CTNNA2: variants seen among roughly 807,000 people sequenced by gnomAD.
The protein encoded by CTNNA2 is catenin alpha-2.
Under a neutral mutation model 101.0 loss-of-function variants are expected in CTNNA2, and 42 were observed. The ratio of observed to expected loss-of-function variants is 0.42; its 90% confidence interval spans 0.32 to 0.54. The LOEUF (loss-of-function observed/expected upper bound fraction) is 0.54, where lower values mean the gene tolerates loss of function less well. Ranked by LOEUF, CTNNA2 falls within the 20% of genes least tolerant of loss-of-function variation. The pLI, the probability that CTNNA2 is intolerant of heterozygous loss-of-function variation, is 0.14. For synonymous variants in CTNNA2, 450 were observed against 456.4 expected (o/e 0.99, Z 0.18); for missense variants, 871 against 1,223.1 (o/e 0.71, Z 4.29).
intron 4 of CTNNA2, among the ~76,000 whole-genome samples, chr2:79,487,934 A>G (rs1027531993): frequency 6.6e-6 from 1 of 152,212 alleles, no homozygotes; most frequent in Non-Finnish European, 1.5e-5. Context: ...TGAATCAGAA[A>G]GTGTACCTGG....
chr2:80,085,877 A>G (rs1699410034), intron 7 of CTNNA2, among the ~76,000 whole-genome samples: 1 of 152,034 alleles, frequency 6.6e-6, no homozygotes, highest in Admixed American at 6.6e-5. Flanking sequence ...AATCTATGTA[A>G]CGCAAAAGAC....
At chr2:79,778,064 G>C (rs938305753) in intron 3 of CTNNA2, among the ~76,000 whole-genome samples, 3 of 152,086 alleles carry the variant, frequency 2.0e-5, no homozygotes, top group African/African-American at 7.2e-5. Flanking sequence ...CTTTTCAGCT[G>C]GGTGCGGTGG....
intron 2 of CTNNA2, among the ~76,000 whole-genome samples, chr2:79,223,216 T>C (rs1457302626): frequency 6.6e-6 from 1 of 152,016 alleles, no homozygotes; most frequent in Admixed American, 6.6e-5. Flanking sequence ...TCTACTATAT[T>C]AAGTCACAAC....
intron 1 of CTNNA2, among the ~76,000 whole-genome samples, chr2:79,532,986 A>T (rs1292392212): frequency 1.3e-5 from 2 of 151,982 alleles, no homozygotes; most frequent in South Asian, 2.1e-4. Context: ...CAAGTCTGAA[A>T]TATTCCTCTC....
chr2:80,103,507 A>G (rs989547244), intron 7 of CTNNA2, among the ~76,000 whole-genome samples: 1 of 152,144 alleles, frequency 6.6e-6, no homozygotes, highest in African/African-American at 2.4e-5. Flanking sequence ...CAAGAGGGGT[A>G]TAATTTAGTC....
At chr2:79,466,952 T>C (rs1670943712) in intron 4 of CTNNA2, among the ~76,000 whole-genome samples, 1 of 151,942 alleles carries the variant, frequency 6.6e-6, no homozygotes, top group Admixed American at 6.6e-5. Flanking sequence ...CATCTGAAAA[T>C]TCTAAAAATC....
chr2:79,349,813 G>T (rs905887219), intron 3 of CTNNA2, among the ~76,000 whole-genome samples: 1 of 152,120 alleles, frequency 6.6e-6, no homozygotes, highest in African/African-American at 2.4e-5. Context: ...GCCCATTGAG[G>T]TGTGGTCAAT....
intron 3 of CTNNA2, among the ~76,000 whole-genome samples, chr2:79,847,232 GA>G (rs1241697192): frequency 5.9e-5 from 9 of 151,920 alleles, no homozygotes; most frequent in Admixed American, 3.3e-4. Context: ...CCAAATAGAA[GA>G]AAAAAATGTT....
At chr2:80,273,403 A>G (rs1204434653) in intron 7 of CTNNA2, among the ~76,000 whole-genome samples, 2 of 152,166 alleles carry the variant, frequency 1.3e-5, no homozygotes, top group Non-Finnish European at 2.9e-5. Flanking sequence ...CTCACCTGAA[A>G]TATCGTAGTA....
At chr2:79,762,252 A>C (rs573153490) in intron 3 of CTNNA2, among the ~76,000 whole-genome samples, 2 of 152,328 alleles carry the variant, frequency 1.3e-5, no homozygotes, top group East Asian at 3.9e-4. Flanking sequence ...TAGTCAACCC[A>C]GGCGTGGTTT....
chr2:80,414,669 G>T (rs1363714750), intron 8 of CTNNA2, among the ~76,000 whole-genome samples: 1 of 152,176 alleles, frequency 6.6e-6, no homozygotes, highest in Non-Finnish European at 1.5e-5. Context: ...TGAAAATCAG[G>T]TCTGCCTAAC....
At chr2:80,236,914 A>G (rs938817797) in intron 7 of CTNNA2, among the ~76,000 whole-genome samples, 6 of 152,206 alleles carry the variant, frequency 3.9e-5, no homozygotes, top group Non-Finnish European at 8.8e-5. Context: ...AAGAGAAGGA[A>G]GCTTTTTCAA....
At chr2:79,330,825 G>A (rs2104418251) in intron 3 of CTNNA2, among the ~76,000 whole-genome samples, 1 of 152,250 alleles carries the variant, frequency 6.6e-6, no homozygotes, top group Admixed American at 6.5e-5. Context: ...CAGCCATGTG[G>A]AACTGTAAGT....
At chr2:79,429,661 C>G (rs2104509010) in intron 4 of CTNNA2, among the ~76,000 whole-genome samples, 1 of 151,990 alleles carries the variant, frequency 6.6e-6, no homozygotes, top group Non-Finnish European at 1.5e-5. Context: ...TATTAGGAAA[C>G]CATGAAAGTG....
intron 7 of CTNNA2, among the ~76,000 whole-genome samples, chr2:80,077,614 A>G (rs1224088948): frequency 1.3e-5 from 2 of 151,916 alleles, no homozygotes; most frequent in East Asian, 1.9e-4. Context: ...TAAACAAAAC[A>G]AAGCAAAACA....
intron 7 of CTNNA2, among the ~76,000 whole-genome samples, chr2:80,184,161 A>G (rs930415695): frequency 7.9e-5 from 12 of 152,340 alleles, no homozygotes; most frequent in Admixed American, 5.9e-4. Context: ...TGACAGCATC[A>G]TAAGAAAAGT....
chr2:79,735,774 C>G (rs1670830471), intron 2 of CTNNA2, among the ~76,000 whole-genome samples: 2 of 152,124 alleles, frequency 1.3e-5, no homozygotes, highest in African/African-American at 4.8e-5. Flanking sequence ...TTTCAGAAAG[C>G]TGGTCTTCCA....
chr2:80,187,490 C>T (rs993549905), intron 7 of CTNNA2, among the ~76,000 whole-genome samples: 7 of 152,194 alleles, frequency 4.6e-5, no homozygotes, highest in Non-Finnish European at 1.0e-4. Context: ...TCTATACTTC[C>T]CGTGGAAACG....
At chr2:79,929,371 A>C (rs1301844886) in intron 7 of CTNNA2, among the ~76,000 whole-genome samples, 1 of 152,216 alleles carries the variant, frequency 6.6e-6, no homozygotes, top group Non-Finnish European at 1.5e-5. Flanking sequence ...TGTAAAAGAA[A>C]AAAAGGGACG....
Sources: allele counts gnomAD v4.1 joint callset (sites outside exome capture counted in the v4.1 genomes callset), GRCh38; gene constraint gnomAD v4.1.1; transcripts MANE v1.5; gene names NCBI Gene and HGNC (gene_info 2026-07-23, HGNC 2026-07-21).